Variants in DR1 observed in about 807,000 individuals in gnomAD.
DR1 encodes protein Dr1.
Under a neutral mutation model 19.9 loss-of-function variants are expected in DR1, and 7 were observed. The ratio of observed to expected loss-of-function variants is 0.35; its 90% CI spans 0.20 to 0.66. The LOEUF (loss-of-function observed/expected upper bound fraction) is 0.66, where lower values mean the gene tolerates loss of function less well. Ranked by LOEUF, DR1 falls within the 30% of genes least tolerant of loss-of-function variation. The pLI is 0.66. For synonymous variants in DR1, 76 were observed against 72.5 expected, an observed-to-expected ratio of 1.05 and a Z score of -0.24; for missense variants, 98 against 203.7, an observed-to-expected ratio of 0.48 and a Z score of 3.16.
chr1:93,357,017 C>T (rs376665647), intron 2 of DR1, among the ~76,000 whole-genome samples: 4 of 152,222 alleles, frequency 2.6e-5, no homozygotes, highest in Non-Finnish European at 4.4e-5. Context: ...CCACCGCGCC[C>T]GGCCTTAAAA....
intron 2 of DR1, among the ~76,000 whole-genome samples, chr1:93,359,621 A>G (rs1667030439): frequency 6.6e-6 from 1 of 152,208 alleles, no homozygotes; most frequent in Non-Finnish European, 1.5e-5. Context: ...TTGTTTTGGC[A>G]GAGTCTAATG....
At chr1:93,354,175 G>T (rs891602725) in intron 2 of DR1, 104 bp downstream of exon 2, 7 of 1,160,948 alleles carry the variant, frequency 6.0e-6, no homozygotes, top group African/African-American at 1.6e-5. Context: ...CCTTTTTCTA[G>T]GTAGTTGATT....
intron 2 of DR1, among the ~76,000 whole-genome samples, chr1:93,357,579 C>T (rs1412317792): frequency 6.6e-6 from 1 of 152,028 alleles, no homozygotes; most frequent in Non-Finnish European, 1.5e-5. Context: ...AATGTACAAT[C>T]ACTTATTCCT....
chr1:93,348,688 T>C (rs971779039), intron 1 of DR1, among the ~76,000 whole-genome samples: 3 of 152,250 alleles, frequency 2.0e-5, no homozygotes, highest in Non-Finnish European at 2.9e-5. Flanking sequence ...AGCATTTCCA[T>C]TGTGTAATGA....
chr1:93,359,691 C>T (rs921908065), intron 2 of DR1, among the ~76,000 whole-genome samples: 3 of 152,036 alleles, frequency 2.0e-5, no homozygotes, highest in African/African-American at 7.2e-5. Flanking sequence ...TGTGGTTTTT[C>T]TGCAAACAGA....
rs1667175391 is a variant in DR1, at chr1:93,367,162, A to C, written c.*6523A>C. The stretch of plus-strand genomic sequence containing the variant: ...GAGACCCTGTCTCAAAAAAAAAAAA[A>C]AAAAGTAAAAATTATTTACCCAATA... On this transcript the variant is annotated 3_prime_UTR_variant, in exon 3 of 3. Transcript: ENST00000370272. The C allele has an allele frequency of 6.6e-6, 1 of 151,702 alleles. No homozygotes were observed. Among genetic ancestry groups the C allele is most frequent in the Admixed American group, 6.6e-5 (1 of 15,194 alleles). The allele number at this position is 151,702 out of a possible 1,614,324, so 9.4% of individuals were successfully genotyped here.
At position 93,368,355 on chromosome 1, in the gene DR1, G is replaced by T. The variant is rs975467243; in HGVS notation, c.*7716G>T. The T allele has an allele frequency of 6.6e-6, 1 of 152,158 alleles. No homozygotes were observed. The highest frequency in any genetic ancestry group is 2.4e-5 in the African/African-American group (1 of 41,426). 9.4% of individuals were successfully genotyped at this position (152,158 alleles called of 1,614,324 possible). ...ATAGCACTTGTCACTAACATAGAAA[G>T]CAGTAGAGGTGGAAGAGGGAGACTT... is the stretch of plus-strand genomic sequence containing the variant. On this transcript the variant is annotated 3_prime_UTR_variant, in exon 3 of 3. Coordinates refer to ENST00000370272, the MANE Select transcript of DR1 (RefSeq NM_001938.3).
chr1:93,363,066 C>T lies in DR1; in HGVS notation c.*2427C>T, dbSNP rs1344853280. 4.0e-5 allele frequency: 6 copies of T among 151,648 alleles called. No individual in the cohort carries two copies. The highest frequency in any genetic ancestry group is 8.8e-5 in the Non-Finnish European group (6 of 67,866). The allele number at this position is 151,648 out of a possible 1,614,324, so 9.4% of individuals were successfully genotyped here. On this transcript the variant is annotated 3_prime_UTR_variant, in exon 3 of 3. Transcript: ENST00000370272. ...TCAGTTTTTAAAACTGCATATACCA[C>T]ACACACACAAAACAGTACACAAATA...
chr1:93,348,470 C>T (rs940870005), intron 1 of DR1, among the ~76,000 whole-genome samples: 3 of 152,100 alleles, frequency 2.0e-5, no homozygotes, highest in Non-Finnish European at 4.4e-5. Context: ...TTTGTTTACA[C>T]TACAGAAGTG....
intron 1 of DR1, among the ~76,000 whole-genome samples, chr1:93,349,912 C>A (rs1570708906): frequency 1.3e-5 from 2 of 152,190 alleles, no homozygotes; most frequent in African/African-American, 4.8e-5. Flanking sequence ...CTAATGTTAA[C>A]CATTAGGAGC....
Position 93,346,537 on chromosome 1 carries a change from A to T in DR1, c.-109A>T. ...ATTTTCTGCACCCTCTTCGCAAAGC[A>T]CCCCCCGGGATCACTCTCCGAGGGC... is the stretch of plus-strand genomic sequence containing the variant. On this transcript the variant is annotated 5_prime_UTR_variant, in exon 1 of 3. Coordinates refer to ENST00000370272, the MANE Select transcript of DR1 (RefSeq NM_001938.3). 7.3e-6 allele frequency: 6 copies of T among 826,050 alleles called. No individual in the cohort carries two copies. Among genetic ancestry groups the T allele is most frequent in the African/African-American group, 1.7e-5 (1 of 57,188 alleles). 51.2% of individuals were successfully genotyped at this position (826,050 alleles called of 1,614,324 possible). A position where few individuals can be genotyped will look rare whatever the true frequency, so the allele number is the denominator to read the frequency against.
At chr1:93,347,187 A>G (rs74819936) in intron 1 of DR1, among the ~76,000 whole-genome samples, 1 of 152,178 alleles carries the variant, frequency 6.6e-6, no homozygotes. Flanking sequence ...AACTTAGATA[A>G]TAATTAAGGA....
chr1:93,350,678 C>T (rs1315808594), intron 1 of DR1, among the ~76,000 whole-genome samples: 2 of 152,162 alleles, frequency 1.3e-5, no homozygotes, highest in South Asian at 2.1e-4. Context: ...GTCTTGTTAA[C>T]ATCTGTCTTT....
At position 93,360,672 on chromosome 1, in the gene DR1, A is replaced by C. The variant is rs758545007; in HGVS notation, c.*33A>C. 3 of 1,575,460 alleles carry C rather than the reference A, an allele frequency of 1.9e-6. No homozygotes were observed. The Admixed American group carries it at 6.1e-5, about 32-fold the overall frequency. ...CAGCTGAGTTTCTATTTCTTCTATA[A>C]ATGTTTTTCCCTGCACAACAAAAAC... On this transcript the variant is annotated 3_prime_UTR_variant, in exon 3 of 3. Transcript: ENST00000370272.
rs936642279 is a variant in DR1 at position 93,367,796 on chromosome 1, G to C, written c.*7157G>C. 2 of 152,198 alleles carry C rather than the reference G, an allele frequency of 1.3e-5. No homozygotes were observed. The highest frequency in any genetic ancestry group is 2.4e-5 in the African/African-American group (1 of 41,420). The allele number at this position is 152,198 out of a possible 1,614,324, so 9.4% of individuals were successfully genotyped here. On this transcript the variant is annotated 3_prime_UTR_variant, in exon 3 of 3. Coordinates refer to ENST00000370272, the MANE Select transcript of DR1 (RefSeq NM_001938.3). ...TGGGAGGCCGAGGCGGGTGGATCAC[G>C]AGGTCAGGAGATAGAGACCATCCCG...
rs987135984 is a variant in DR1 at position 93,365,243 on chromosome 1, G to T, written c.*4604G>T. 1 of 152,000 alleles carries T rather than the reference G, an allele frequency of 6.6e-6. No individual in the cohort carries two copies. The highest frequency in any genetic ancestry group is 1.5e-5 in the Non-Finnish European group (1 of 67,996). 9.4% of individuals were successfully genotyped at this position (152,000 alleles called of 1,614,324 possible). On this transcript the variant is annotated 3_prime_UTR_variant, in exon 3 of 3. Transcript: ENST00000370272. ...AATGCACCATAGCCTCAAACTCCTG[G>T]GCTCAAGCAATCCAAAAGGAGGAAA...
At chr1:93,348,243 C>G (rs1007322090) in intron 1 of DR1, among the ~76,000 whole-genome samples, 6 of 150,940 alleles carry the variant, frequency 4.0e-5, no homozygotes, top group African/African-American at 1.5e-4. Flanking sequence ...GTGCTGAATA[C>G]TCTAGCAAGT....
chr1:93,346,871 T>C lies in DR1; in HGVS notation c.220+6T>C. On this transcript the variant is annotated splice_donor_region_variant and intron_variant, in intron 1 of 2. Transcript: ENST00000370272. ...ACCAGAGCATGTCATACAAGGTAAG[T>C]CGTGTGTGAGAGCTGGTTTGAATGA... 1 of 1,604,722 alleles carries C rather than the reference T, an allele frequency of 6.2e-7. No homozygotes were observed.
intron 1 of DR1, 103 bp downstream of exon 1, chr1:93,346,968 G>A (rs1280582814): frequency 3.8e-6 from 4 of 1,061,092 alleles, no homozygotes; most frequent in African/African-American, 1.6e-5. Flanking sequence ...TCCCTGGTAA[G>A]TAACTTAATG....
Sources: allele counts gnomAD v4.1 joint callset (sites outside exome capture counted in the v4.1 genomes callset), GRCh38; gene constraint gnomAD v4.1.1; transcripts MANE v1.5; gene names NCBI Gene and HGNC (gene_info 2026-07-23, HGNC 2026-07-21).